LRRC4C: variants seen among roughly 807,000 people sequenced by gnomAD.
The protein encoded by LRRC4C is leucine rich repeat containing 4C.
Under a neutral mutation model 33.6 loss-of-function variants are expected in LRRC4C, and 5 were observed. That is an observed-to-expected ratio of 0.15 (90% CI 0.08 to 0.31). The LOEUF is 0.31. Among genes scored for constraint, LRRC4C ranks in the 10% least tolerant of loss-of-function variants. The probability of loss-of-function intolerance (pLI) is 1.00; values close to 1 mark genes in which losing one functional copy is unlikely to be tolerated. For synonymous variants in LRRC4C, 329 were observed against 302.0 expected, an observed-to-expected ratio of 1.09 and a Z score of -0.93; for missense variants, 560 against 796.7, an observed-to-expected ratio of 0.70 and a Z score of 3.58.
intron 3 of LRRC4C, among the ~76,000 whole-genome samples, chr11:40,552,730 G>C (rs559307835): frequency 1.6e-4 from 24 of 152,232 alleles, no homozygotes; most frequent in African/African-American, 5.8e-4. Flanking sequence ...TAATTATGAA[G>C]ACATGTCCAA....
chr11:40,692,154 A>C (rs1945246816), intron 2 of LRRC4C, among the ~76,000 whole-genome samples: 2 of 152,078 alleles, frequency 1.3e-5, no homozygotes, highest in Non-Finnish European at 2.9e-5. Flanking sequence ...GTCTCTGAGA[A>C]AATGAACCCG....
chr11:41,103,157 T>C (rs1283493439), intron 1 of LRRC4C, among the ~76,000 whole-genome samples: 1 of 151,954 alleles, frequency 6.6e-6, no homozygotes, highest in African/African-American at 2.4e-5. Context: ...TTTCTTTTTG[T>C]TTATTATATG....
chr11:40,486,927 C>G (rs1403997661), intron 3 of LRRC4C, among the ~76,000 whole-genome samples: 3 of 151,966 alleles, frequency 2.0e-5, no homozygotes, highest in Admixed American at 2.0e-4. Flanking sequence ...ATCTGTCTAA[C>G]CAATATTCAC....
chr11:41,363,907 C>T (rs78703107), intron 1 of LRRC4C, among the ~76,000 whole-genome samples: 1,700 of 152,254 alleles, frequency 0.011, 35 homozygotes, highest in African/African-American at 0.039. Context: ...CAACATTAGT[C>T]TCAATTAATC....
chr11:41,271,414 C>G (rs1054276552), intron 1 of LRRC4C, among the ~76,000 whole-genome samples: 1 of 152,062 alleles, frequency 6.6e-6, no homozygotes, highest in African/African-American at 2.4e-5. Flanking sequence ...TTCACATTCT[C>G]TCTGTTCTAC....
At chr11:41,288,575 G>A (rs994492567) in intron 1 of LRRC4C, among the ~76,000 whole-genome samples, 1 of 152,144 alleles carries the variant, frequency 6.6e-6, no homozygotes, top group Non-Finnish European at 1.5e-5. Context: ...ATAAGTAGTT[G>A]CATATTTCAT....
At chr11:40,902,598 A>C (rs1956254019) in intron 2 of LRRC4C, among the ~76,000 whole-genome samples, 1 of 152,152 alleles carries the variant, frequency 6.6e-6, no homozygotes, top group Non-Finnish European at 1.5e-5. Context: ...CAAATATTTA[A>C]CAAAGTTGTG....
intron 1 of LRRC4C, among the ~76,000 whole-genome samples, chr11:41,335,628 T>C (rs938094920): frequency 2.6e-5 from 4 of 152,224 alleles, no homozygotes; most frequent in Admixed American, 6.5e-5. Flanking sequence ...ACTAATTGCC[T>C]ATCATATATT....
At chr11:40,217,705 A>G (rs2135889635) in intron 5 of LRRC4C, among the ~76,000 whole-genome samples, 1 of 152,286 alleles carries the variant, frequency 6.6e-6, no homozygotes, top group Middle Eastern at 3.4e-3. Flanking sequence ...AATGACAGAT[A>G]ATATGACTGT....
intron 3 of LRRC4C, among the ~76,000 whole-genome samples, chr11:40,441,145 C>T (rs750411943): frequency 2.6e-5 from 4 of 152,138 alleles, no homozygotes; most frequent in Non-Finnish European, 5.9e-5. Flanking sequence ...ATCAGTCCCT[C>T]ATCCAGTTCT....
intron 5 of LRRC4C, among the ~76,000 whole-genome samples, chr11:40,211,123 T>C (rs1863574915): frequency 6.6e-6 from 1 of 152,208 alleles, no homozygotes. Flanking sequence ...TACCTTGCAA[T>C]ACACTCAAGT....
intron 1 of LRRC4C, among the ~76,000 whole-genome samples, chr11:41,298,435 G>T (rs1950200360): frequency 6.6e-6 from 1 of 151,160 alleles, no homozygotes; most frequent in Non-Finnish European, 1.5e-5. Context: ...TTTTAAGCTG[G>T]ATACTCACCA....
chr11:40,389,287 G>T (rs1949242180), intron 3 of LRRC4C, among the ~76,000 whole-genome samples: 2 of 152,110 alleles, frequency 1.3e-5, no homozygotes, highest in African/African-American at 4.8e-5. Flanking sequence ...AAAGCATTCT[G>T]TGCCACTAAG....
At chr11:40,198,925 C>T (rs181276600) in intron 5 of LRRC4C, among the ~76,000 whole-genome samples, 403 of 152,222 alleles carry the variant, frequency 2.6e-3, no homozygotes, top group African/African-American at 9.4e-3. Flanking sequence ...AGAGAATGCA[C>T]TTTGTGGGTA....
chr11:40,369,294 C>T (rs7942677), intron 3 of LRRC4C, among the ~76,000 whole-genome samples: 8,023 of 152,222 alleles, frequency 0.053, 670 homozygotes, highest in African/African-American at 0.18. Context: ...TCTCAATGTT[C>T]CTTGTCCTCT....
intron 1 of LRRC4C, among the ~76,000 whole-genome samples, chr11:40,981,817 G>T (rs1289555529): frequency 6.6e-6 from 1 of 152,052 alleles, no homozygotes; most frequent in Non-Finnish European, 1.5e-5. Context: ...ATTAGCCAAG[G>T]TGATAATATC....
At chr11:40,405,564 G>A (rs570376611) in intron 3 of LRRC4C, among the ~76,000 whole-genome samples, 13 of 141,212 alleles carry the variant, frequency 9.2e-5, no homozygotes, top group South Asian at 6.9e-4. Flanking sequence ...TTGAACCCAG[G>A]AGGCAGAGCA....
intron 2 of LRRC4C, among the ~76,000 whole-genome samples, chr11:40,873,590 C>T (rs1018649137): frequency 6.1e-4 from 93 of 152,216 alleles, no homozygotes; most frequent in Non-Finnish European, 1.5e-4. Flanking sequence ...GAATTTCAAA[C>T]CCAATACTCA....
chr11:40,635,985 A>G (rs1963927570), intron 3 of LRRC4C, among the ~76,000 whole-genome samples: 1 of 152,086 alleles, frequency 6.6e-6, no homozygotes, highest in South Asian at 2.1e-4. Context: ...AAAACAATTC[A>G]AGAAGAAGGA....
Sources: gnomAD v4.1 joint callset for allele counts (sites outside exome capture counted in the v4.1 genomes callset) on GRCh38, gnomAD v4.1.1 for gene constraint, MANE v1.5 for transcripts, NCBI Gene and HGNC (gene_info 2026-07-23, HGNC 2026-07-21) for gene names.